B3GAT2: variants seen among roughly 807,000 people sequenced by gnomAD.
The protein encoded by B3GAT2 is galactosylgalactosylxylosylprotein 3-beta-glucuronosyltransferase 2.
In B3GAT2, 26 loss-of-function variants were observed where a neutral mutation model predicts 27.8. That is an observed-to-expected ratio of 0.93 (90% CI 0.68 to 1.30). B3GAT2 has a LOEUF of 1.30. B3GAT2 is among the 50% of genes most tolerant of loss of function. B3GAT2 has a pLI of 0.00. For synonymous variants in B3GAT2, 218 were observed against 195.1 expected (o/e 1.12, Z -0.98); for missense variants, 458 against 459.0 (o/e 1.00, Z 0.02).
intron 1 of B3GAT2, among the ~76,000 whole-genome samples, chr6:70,926,817 T>C (rs1461335677): frequency 2.0e-5 from 3 of 151,962 alleles, no homozygotes; most frequent in African/African-American, 7.3e-5. Context: ...ATTCAGGAAA[T>C]ACACAGAACG....
In B3GAT2 at chr6:70,861,936, G is replaced by C; in HGVS notation, c.779C>G (p.Ala260Gly). The C allele has an allele frequency of 6.2e-7, 1 of 1,613,628 alleles. No homozygotes were observed. The highest frequency in any genetic ancestry group is 8.5e-7 in the Non-Finnish European group (1 of 1,179,786). ...SLQVILSNPK[A>G]VFKRRGSQPG... ...CTGGGATCCACGACGCTTAAATACAGCTTTTGGATTGGACAAAATGACTTG... is the reference window on the plus strand; with the variant it reads ...CTGGGATCCACGACGCTTAAATACACCTTTTGGATTGGACAAAATGACTTG... The change falls in exon 3 of 4, where the codon GCT becomes GGT. Residue 260 changes from alanine (A) to glycine (G), a missense_variant. Transcript: ENST00000230053.
intron 2 of B3GAT2, among the ~76,000 whole-genome samples, chr6:70,884,843 T>C (rs1772157734): frequency 1.3e-5 from 2 of 152,180 alleles, no homozygotes; most frequent in South Asian, 2.1e-4. Context: ...GGATTTAAAA[T>C]TGAGGTGAAC....
chr6:70,933,797 A>G (rs1485889192), intron 1 of B3GAT2, among the ~76,000 whole-genome samples: 1 of 152,194 alleles, frequency 6.6e-6, no homozygotes, highest in Non-Finnish European at 1.5e-5. Context: ...GCTTTGTGAC[A>G]TCTTGTCTTC....
At position 70,956,840 on chromosome 6, in the gene B3GAT2, G is replaced by A. The variant is rs1400618991; in HGVS notation, c.-411C>T. 5.7e-6 allele frequency: 6 copies of A among 1,057,344 alleles called. No individual in the cohort carries two copies. The highest frequency in any genetic ancestry group is 3.0e-5 in the South Asian group (1 of 32,808). The allele number at this position is 1,057,344 out of a possible 1,614,324, so 65.5% of individuals were successfully genotyped here. A position where few individuals can be genotyped will look rare whatever the true frequency, so the allele number is the denominator to read the frequency against. ...GCCGCTCCAGTCCGGCGGTGCTGCG[G>A]GCACAAGGGCTCCAGCCGCGGGCCC... On this transcript the variant is annotated 5_prime_UTR_variant, in exon 1 of 4. Transcript: ENST00000230053.
intron 2 of B3GAT2, among the ~76,000 whole-genome samples, chr6:70,880,810 C>T (rs527603837): frequency 4.6e-5 from 7 of 152,128 alleles, no homozygotes; most frequent in Non-Finnish European, 7.4e-5. Flanking sequence ...GGATCACAGG[C>T]GTGCACCACC....
chr6:70,952,031 C>T (rs1036892696), intron 1 of B3GAT2, among the ~76,000 whole-genome samples: 8 of 152,032 alleles, frequency 5.3e-5, no homozygotes, highest in Non-Finnish European at 8.8e-5. Context: ...ATTGTAAACT[C>T]GTATATCCTT....
intron 1 of B3GAT2, among the ~76,000 whole-genome samples, chr6:70,931,142 C>G (rs1417289199): frequency 2.6e-5 from 4 of 151,980 alleles, no homozygotes; most frequent in African/African-American, 9.7e-5. Flanking sequence ...AATGAGAACA[C>G]TTGGACACAT....
At chr6:70,932,699 C>A (rs1001273005) in intron 1 of B3GAT2, among the ~76,000 whole-genome samples, 1 of 152,182 alleles carries the variant, frequency 6.6e-6, no homozygotes, top group African/African-American at 2.4e-5. Flanking sequence ...GTATATTTTA[C>A]TATGATAAAA....
At chr6:70,888,227 T>C (rs1478812366) in intron 2 of B3GAT2, among the ~76,000 whole-genome samples, 2 of 151,500 alleles carry the variant, frequency 1.3e-5, no homozygotes, top group African/African-American at 4.9e-5. Flanking sequence ...TGATGTGATT[T>C]TTTTTTTTTT....
chr6:70,932,788 A>G (rs1232759990), intron 1 of B3GAT2, among the ~76,000 whole-genome samples: 2 of 152,156 alleles, frequency 1.3e-5, no homozygotes, highest in African/African-American at 2.4e-5. Context: ...CAAAAAACAG[A>G]ATAGACATGA....
chr6:70,890,832 C>T (rs1031946680), intron 2 of B3GAT2, among the ~76,000 whole-genome samples: 5 of 152,262 alleles, frequency 3.3e-5, no homozygotes, highest in Non-Finnish European at 5.9e-5. Context: ...AGCAACTCAA[C>T]TGGGAACTGC....
intron 1 of B3GAT2, among the ~76,000 whole-genome samples, chr6:70,949,461 C>T (rs1344426053): frequency 1.3e-5 from 2 of 150,854 alleles, no homozygotes; most frequent in African/African-American, 2.4e-5. Flanking sequence ...AAATGCTCAG[C>T]ATCACTGGCC....
At chr6:70,901,762 T>C (rs918036398) in intron 1 of B3GAT2, among the ~76,000 whole-genome samples, 2 of 152,162 alleles carry the variant, frequency 1.3e-5, no homozygotes, top group Non-Finnish European at 2.9e-5. Context: ...TGTATTCCTC[T>C]CTTTGAAGTG....
At chr6:70,913,666 T>C (rs1324979911) in intron 1 of B3GAT2, among the ~76,000 whole-genome samples, 1 of 152,238 alleles carries the variant, frequency 6.6e-6, no homozygotes, top group African/African-American at 2.4e-5. Flanking sequence ...ATGAGAAGAA[T>C]GTATATTCTG....
At chr6:70,867,156 T>C (rs1342694946) in intron 2 of B3GAT2, among the ~76,000 whole-genome samples, 1 of 151,986 alleles carries the variant, frequency 6.6e-6, no homozygotes, top group Non-Finnish European at 1.5e-5. Flanking sequence ...ATGTGTAGGA[T>C]ACATCTAAAG....
intron 1 of B3GAT2, among the ~76,000 whole-genome samples, chr6:70,907,484 C>G (rs921674601): frequency 6.6e-6 from 1 of 152,136 alleles, no homozygotes; most frequent in Admixed American, 6.6e-5. Context: ...ATCCCTAAAA[C>G]CTGCTGTATA....
At chr6:70,952,039 C>T (rs1030247412) in intron 1 of B3GAT2, among the ~76,000 whole-genome samples, 8 of 151,958 alleles carry the variant, frequency 5.3e-5, no homozygotes, top group South Asian at 2.1e-4. Context: ...CTCGTATATC[C>T]TTCAGATTAT....
At chr6:70,873,131 T>C (rs1420221835) in intron 2 of B3GAT2, among the ~76,000 whole-genome samples, 1 of 152,128 alleles carries the variant, frequency 6.6e-6, no homozygotes, top group Non-Finnish European at 1.5e-5. Context: ...AAATTACCTA[T>C]GTAGTTACTT....
At chr6:70,912,943 T>C (rs897014354) in intron 1 of B3GAT2, among the ~76,000 whole-genome samples, 3 of 152,152 alleles carry the variant, frequency 2.0e-5, no homozygotes, top group Non-Finnish European at 4.4e-5. Flanking sequence ...GTAGGTTTTT[T>C]AGTTTGTCTG....
Sources: allele counts gnomAD v4.1 joint callset (sites outside exome capture counted in the v4.1 genomes callset), GRCh38; gene constraint gnomAD v4.1.1; transcripts MANE v1.5; gene names NCBI Gene and HGNC (gene_info 2026-07-23, HGNC 2026-07-21).